Variants in MYOZ3 observed in about 807,000 individuals in gnomAD.
MYOZ3 encodes myozenin 3.
Under a neutral mutation model 26.5 loss-of-function variants are expected in MYOZ3, and 19 were observed. The observed-to-expected ratio is 0.72, with a 90% CI of 0.50 to 1.05. MYOZ3 has a LOEUF of 1.05. Among genes scored for constraint, MYOZ3 ranks in the 50% least tolerant of loss-of-function variants. MYOZ3 has a pLI of 0.00. For missense variants in MYOZ3, 322 were observed against 337.1 expected, an observed-to-expected ratio of 0.96 and a Z score of 0.35; for synonymous variants, 135 against 138.8, an observed-to-expected ratio of 0.97 and a Z score of 0.19.
intron 1 of MYOZ3, 74 bp from the exon 2 acceptor site, chr5:150,662,867 A>T: frequency 7.4e-7 from 1 of 1,359,434 alleles, no homozygotes; most frequent in Non-Finnish European, 1.0e-6. Context: ...GGGCAGGGTG[A>T]ACCAGAGACT....
At chr5:150,672,025 C>G in intron 5 of MYOZ3, 117 bp downstream of exon 5, 1 of 1,339,120 alleles carries the variant, frequency 7.5e-7, no homozygotes, top group East Asian at 2.5e-5. Flanking sequence ...CCAACACACA[C>G]GCGCACGCGC....
At position 150,677,987 on chromosome 5, in the gene MYOZ3, A is replaced by T. The variant is rs1759045048; in HGVS notation, c.*1112A>T. 1 of 152,388 alleles carries T rather than the reference A, an allele frequency of 6.6e-6. No individual in the cohort carries two copies. The highest frequency in any genetic ancestry group is 2.1e-4 in the South Asian group (1 of 4,834). 9.4% of individuals were successfully genotyped at this position (152,388 alleles called of 1,614,324 possible). ...AAAATATGGAACTGAGCACGGGTGC[A>T]GGGTGTTCTGCAGAAGGGAGAAGGC... On this transcript the variant is annotated 3_prime_UTR_variant, in exon 7 of 7. Transcript: ENST00000517768.
intron 5 of MYOZ3, 101 bp downstream of exon 5, chr5:150,672,009 C>T: frequency 7.1e-7 from 1 of 1,417,644 alleles, no homozygotes; most frequent in Non-Finnish European, 9.4e-7. Context: ...TAGTCCGCCC[C>T]CTTCCCCAAC....
At chr5:150,676,563 A>AT in intron 6 of MYOZ3, 144 bp from the exon 7 acceptor site, 8 of 572,688 alleles carry the variant, frequency 1.4e-5, no homozygotes, top group East Asian at 6.4e-5. Flanking sequence ...AAAAAAAAAA[A>AT]GATGTACAGA....
At chr5:150,665,427 T>TA (rs1424687454) in intron 2 of MYOZ3, among the ~76,000 whole-genome samples, 1 of 152,164 alleles carries the variant, frequency 6.6e-6, no homozygotes, top group Non-Finnish European at 1.5e-5. Flanking sequence ...TAGCCACTAA[T>TA]AAGGGGCATC....
At position 150,672,341 on chromosome 5, in the gene MYOZ3, C is replaced by T; in HGVS notation, c.426C>T (p.Gly142=). 1 of 1,603,372 alleles carries T rather than the reference C, an allele frequency of 6.2e-7. No individual in the cohort carries two copies. The highest frequency in any genetic ancestry group is 8.5e-7 in the Non-Finnish European group (1 of 1,175,650). ...GCTCCCTTCCCCCCGCGCCCCTAGG[C>T]TATGCGGAGCCGCTGAAGGGCGTCC... ...CVPSPSALAP[G]YAEPLKGVPP... The change falls in exon 6 of 7, where the codon GGC becomes GGT. Residue 142 remains glycine (G), a splice_region_variant and synonymous_variant. Transcript: ENST00000517768.
Position 150,671,795 on chromosome 5 carries a change from C to T in MYOZ3, c.311C>T (p.Ser104Leu), listed in dbSNP as rs747707185. 22 of 1,612,914 alleles carry T rather than the reference C, an allele frequency of 1.4e-5. No homozygotes were observed. The highest frequency in any genetic ancestry group is 1.1e-4 in the African/African-American group (8 of 74,938). ...GGCCCTGAGGGGCCGAACTACCGCT[C>T]GGAGCTCCACATCTTCCCGGCCTCA... The part of the protein sequence containing the change: ...ANGPEGPNYR[S>L]ELHIFPASPG... Residue 104 changes from serine to leucine, a missense_variant, in exon 5 of 7, where the codon TCG becomes TTG. By Grantham distance (145) the Ser-to-Leu change is moderately radical. Transcript: ENST00000517768.
In MYOZ3 at chr5:150,678,644, T is replaced by C. The variant is rs1213232493; in HGVS notation, c.*1769T>C. On this transcript the variant is annotated 3_prime_UTR_variant, in exon 7 of 7. Transcript: ENST00000517768. The stretch of plus-strand genomic sequence containing the variant: ...CTCTGCCACTGCTAGCCGGATGAAC[T>C]TGAGCAAGTCATTTCACATCTCCGA... 6.6e-6 allele frequency: 1 copy of C among 152,374 alleles called. No homozygotes were observed. The highest frequency in any genetic ancestry group is 1.5e-5 in the Non-Finnish European group (1 of 68,070). 9.4% of individuals were successfully genotyped at this position (152,374 alleles called of 1,614,324 possible). A position where few individuals can be genotyped will look rare whatever the true frequency, so the allele number is the denominator to read the frequency against.
intron 2 of MYOZ3, among the ~76,000 whole-genome samples, chr5:150,668,337 T>G (rs1410506179): frequency 2.0e-5 from 3 of 152,238 alleles, no homozygotes. Context: ...AGCCCTCATC[T>G]TCCTTGACAC....
intron 6 of MYOZ3, among the ~76,000 whole-genome samples, chr5:150,674,046 A>G (rs1015055340): frequency 1.3e-5 from 2 of 152,226 alleles, no homozygotes; most frequent in Admixed American, 6.5e-5. Context: ...TGCCTTGAGA[A>G]GAGACAGCTC....
Position 150,664,797 on chromosome 5 carries a change from TA to T in MYOZ3, c.61+1805del, listed in dbSNP as rs558821702. On this transcript the variant is annotated intron_variant, in intron 2 of 6. Transcript: ENST00000517768. ...GTTACAATGATAATACATCACTTTT[TA>T]AAAAAAAAATTCACTTGCCATTGAC... 2.7e-3 allele frequency among the ~76,000 whole-genome samples: 407 copies of T among 150,894 alleles called. 1 individual carries two copies. Among genetic ancestry groups the T allele is most frequent in the African/African-American group, 6.1e-3 (249 of 41,148 alleles).
intron 1 of MYOZ3, 144 bp from the exon 2 acceptor site, chr5:150,662,797 C>T (rs1758754421): frequency 5.7e-6 from 4 of 703,108 alleles, no homozygotes; most frequent in Non-Finnish European, 9.8e-6. Flanking sequence ...CCTGAAGTCC[C>T]TTCCAGCTCA....
At chr5:150,662,861 A>C (rs1758755369) in intron 1 of MYOZ3, 80 bp from the exon 2 acceptor site, 2 of 1,284,356 alleles carry the variant, frequency 1.6e-6, no homozygotes, top group Non-Finnish European at 2.3e-6. Context: ...GGACTGGGGC[A>C]GGGTGAACCA....
At chr5:150,661,012 T>C (rs981788364), upstream of MYOZ3, 4 of 152,348 alleles carry the variant, frequency 2.6e-5, no homozygotes, top group African/African-American at 9.6e-5. Context: ...TCAAGCACCA[T>C]TCTTGGCACT....
chr5:150,667,583 G>T (rs1225091479), intron 2 of MYOZ3, among the ~76,000 whole-genome samples: 1 of 152,066 alleles, frequency 6.6e-6, no homozygotes, highest in Non-Finnish European at 1.5e-5. Flanking sequence ...CTATTGCATT[G>T]TCAAATGTTC....
At position 150,676,901 on chromosome 5, in the gene MYOZ3, A is replaced by G; in HGVS notation, c.*26A>G. 1 of 1,580,846 alleles carries G rather than the reference A, an allele frequency of 6.3e-7. No individual in the cohort carries two copies. Among genetic ancestry groups the G allele is most frequent in the Non-Finnish European group, 8.6e-7 (1 of 1,163,956 alleles). On this transcript the variant is annotated 3_prime_UTR_variant, in exon 7 of 7. Coordinates refer to ENST00000517768, the MANE Select transcript of MYOZ3 (RefSeq NM_001122853.3). ...CCCTAGCCTGAATCTTCAGTTCCCCAGTCTCGGGGGCCTGGTAACATCCGG... is the reference window on the plus strand; with the variant it reads ...CCCTAGCCTGAATCTTCAGTTCCCCGGTCTCGGGGGCCTGGTAACATCCGG...
intron 2 of MYOZ3, chr5:150,669,144 G>C (rs1247219977): frequency 6.7e-6 from 1 of 148,896 alleles, no homozygotes; most frequent in East Asian, 2.0e-4. Flanking sequence ...TAAAGATCTT[G>C]ATAAAACAAG....
intron 2 of MYOZ3, among the ~76,000 whole-genome samples, chr5:150,666,685 A>G (rs886645148): frequency 2.7e-5 from 4 of 148,758 alleles, no homozygotes; most frequent in African/African-American, 9.8e-5. Context: ...TATATAATAT[A>G]TAATATAAAT....
At position 150,672,270 on chromosome 5, in the gene MYOZ3, G is replaced by A. The variant is rs375492911; in HGVS notation, c.425-70G>A. ...CCTCCAACCGCGTCCGCGGAATGGGGGTGGGGCGAGGTGGGGTTGGGGGCT... is the reference window on the plus strand; with the variant it reads ...CCTCCAACCGCGTCCGCGGAATGGGAGTGGGGCGAGGTGGGGTTGGGGGCT... On this transcript the variant is annotated intron_variant, in intron 5 of 6. Transcript: ENST00000517768. 171 of 1,545,426 alleles carry A rather than the reference G, an allele frequency of 1.1e-4. 1 individual carries two copies. In the South Asian group the frequency reaches 1.9e-3, roughly 18 times the overall value.
Sources: allele counts gnomAD v4.1 joint callset (sites outside exome capture counted in the v4.1 genomes callset), GRCh38; gene constraint gnomAD v4.1.1; transcripts MANE v1.5; gene names NCBI Gene and HGNC (gene_info 2026-07-23, HGNC 2026-07-21).